Variants in ANTXR1 observed in about 807,000 individuals in gnomAD.
ANTXR1 encodes the protein ANTXR cell adhesion molecule 1.
Under a neutral mutation model 78.1 loss-of-function variants are expected in ANTXR1, and 19 were observed. The ratio of observed to expected loss-of-function variants is 0.24; its 90% CI spans 0.17 to 0.36. The LOEUF (loss-of-function observed/expected upper bound fraction) is 0.36, where lower values mean the gene tolerates loss of function less well. Ranked by LOEUF, ANTXR1 falls within the 10% of genes least tolerant of loss-of-function variation. The probability of loss-of-function intolerance (pLI) is 1.00; values close to 1 mark genes in which losing one functional copy is unlikely to be tolerated. For missense variants in ANTXR1, 518 were observed against 718.6 expected, an observed-to-expected ratio of 0.72 and a Z score of 3.19; for synonymous variants, 273 against 260.5, an observed-to-expected ratio of 1.05 and a Z score of -0.46.
At chr2:69,060,074 G>T (rs1333272842) in intron 3 of ANTXR1, among the ~76,000 whole-genome samples, 2 of 151,988 alleles carry the variant, frequency 1.3e-5, no homozygotes, top group African/African-American at 4.8e-5. Context: ...TTCCTTGATG[G>T]GCTCCTCTTT....
Position 69,124,660 on chromosome 2 carries a change from C to T in ANTXR1, c.951+17C>T, listed in dbSNP as rs1192086105. The T allele has an allele frequency of 6.2e-7, 1 of 1,611,948 alleles. No individual in the cohort carries two copies. The highest frequency in any genetic ancestry group is 2.2e-5 in the East Asian group (1 of 44,876). On this transcript the variant is annotated intron_variant, in intron 12 of 17. Coordinates refer to ENST00000303714, the MANE Select transcript of ANTXR1 (RefSeq NM_032208.3). Reference sequence around the variant, plus strand: ...ACACACTGTGTAAGTCATAACCTTTCCCTTTACTAAAGATCTCATTATCAT... The same window carrying T: ...ACACACTGTGTAAGTCATAACCTTTTCCTTTACTAAAGATCTCATTATCAT...
intron 17 of ANTXR1, among the ~76,000 whole-genome samples, chr2:69,194,785 G>A (rs781548347): frequency 1.4e-4 from 22 of 152,268 alleles, no homozygotes; most frequent in Middle Eastern, 3.4e-3. Context: ...CCCAGGAGGT[G>A]GAGGTTGCAG....
At chr2:69,113,448 G>C (rs1672052573) in intron 10 of ANTXR1, among the ~76,000 whole-genome samples, 1 of 152,216 alleles carries the variant, frequency 6.6e-6, no homozygotes, top group Non-Finnish European at 1.5e-5. Context: ...CATCCATTGA[G>C]AGAAGTTGGG....
chr2:69,026,119 C>T (rs1021159771), intron 1 of ANTXR1, among the ~76,000 whole-genome samples: 2 of 152,202 alleles, frequency 1.3e-5, no homozygotes, highest in Non-Finnish European at 2.9e-5. Flanking sequence ...GCACCTAACA[C>T]TCTGAACTGT....
chr2:69,109,466 G>A (rs151147912), intron 10 of ANTXR1, among the ~76,000 whole-genome samples: 91 of 152,284 alleles, frequency 6.0e-4, no homozygotes, highest in African/African-American at 2.0e-3. Context: ...TTATAAAAAC[G>A]CTGCAGTAAT....
intron 13 of ANTXR1, among the ~76,000 whole-genome samples, chr2:69,165,659 G>A (rs994922967): frequency 2.0e-5 from 3 of 152,246 alleles, no homozygotes; most frequent in African/African-American, 7.2e-5. Flanking sequence ...GGCCTGACTC[G>A]CGGCTTCAAA....
intron 17 of ANTXR1, 68 bp downstream of exon 17, chr2:69,193,483 A>C: frequency 7.7e-7 from 1 of 1,300,854 alleles, no homozygotes; most frequent in Non-Finnish European, 1.1e-6. Context: ...ACACACACAC[A>C]CACACACATA....
At chr2:69,159,006 C>T (rs1452539780) in intron 13 of ANTXR1, among the ~76,000 whole-genome samples, 2 of 152,134 alleles carry the variant, frequency 1.3e-5, no homozygotes, top group East Asian at 3.8e-4. Flanking sequence ...AAACTAAAAA[C>T]CTAAGTCTTC....
intron 17 of ANTXR1, among the ~76,000 whole-genome samples, chr2:69,206,512 GTAGTTCTGA>G (rs1674908518): frequency 6.6e-6 from 1 of 152,214 alleles, no homozygotes; most frequent in Non-Finnish European, 1.5e-5. Flanking sequence ...AACAAGGGAA[GTAGTTCTGA>G]CCAACAAGGT....
intron 12 of ANTXR1, among the ~76,000 whole-genome samples, chr2:69,144,604 A>G (rs1397727747): frequency 6.6e-6 from 1 of 152,226 alleles, no homozygotes; most frequent in Non-Finnish European, 1.5e-5. Flanking sequence ...AGCTCTCAAG[A>G]AGCTCTAATG....
intron 4 of ANTXR1, among the ~76,000 whole-genome samples, chr2:69,071,474 A>G (rs1451119883): frequency 1.3e-5 from 2 of 152,240 alleles, no homozygotes; most frequent in East Asian, 3.8e-4. Context: ...AGGTGATTGG[A>G]CTTTTTCAGC....
rs58660678 is a variant in ANTXR1, at chr2:69,187,585, CT to C, written c.1353+4946del. The stretch of plus-strand genomic sequence containing the variant: ...GGGTCACACTATTTATCATGTATTT[CT>C]TTTTTTTTTTTTTTTTTTTTGAGAC... On this transcript the variant is annotated intron_variant, in intron 16 of 17. Coordinates refer to ENST00000303714, the MANE Select transcript of ANTXR1 (RefSeq NM_032208.3). 4.0e-3 allele frequency among the ~76,000 whole-genome samples: 377 copies of C among 94,880 alleles called. 1 individual carries two copies. The highest frequency in any genetic ancestry group is 0.012 in the African/African-American group (270 of 21,926). 62.2% of individuals were successfully genotyped at this position (94,880 alleles called of 152,430 possible).
intron 1 of ANTXR1, among the ~76,000 whole-genome samples, chr2:69,018,900 A>G (rs1189439856): frequency 6.6e-6 from 1 of 152,218 alleles, no homozygotes; most frequent in Non-Finnish European, 1.5e-5. Flanking sequence ...AAGTTACTTA[A>G]TTGAGGAGCT....
At chr2:69,237,679 C>T (rs1301817302) in intron 17 of ANTXR1, among the ~76,000 whole-genome samples, 2 of 152,180 alleles carry the variant, frequency 1.3e-5, no homozygotes, top group Non-Finnish European at 2.9e-5. Context: ...CGTTGGCCTC[C>T]TAAAGTGCTG....
chr2:69,216,488 C>T (rs1318496284), intron 17 of ANTXR1, among the ~76,000 whole-genome samples: 1 of 152,110 alleles, frequency 6.6e-6, no homozygotes, highest in Non-Finnish European at 1.5e-5. Context: ...TATATACACA[C>T]ATGTACACGC....
At chr2:69,153,337 A>C (rs1673446366) in intron 13 of ANTXR1, among the ~76,000 whole-genome samples, 2 of 152,090 alleles carry the variant, frequency 1.3e-5, no homozygotes, top group Middle Eastern at 3.2e-3. Context: ...ACTGGACTTG[A>C]AAAGCAAGGG....
At chr2:69,197,791 A>G (rs985548761) in intron 17 of ANTXR1, among the ~76,000 whole-genome samples, 3 of 152,234 alleles carry the variant, frequency 2.0e-5, no homozygotes, top group African/African-American at 7.2e-5. Context: ...AAATTTGCTC[A>G]TCTTTCAAGG....
chr2:69,142,325 C>A (rs1673092573), intron 12 of ANTXR1, among the ~76,000 whole-genome samples: 1 of 152,222 alleles, frequency 6.6e-6, no homozygotes, highest in South Asian at 2.1e-4. Flanking sequence ...ACTTGAAGGG[C>A]ATTTAGTGGC....
intron 1 of ANTXR1, among the ~76,000 whole-genome samples, chr2:69,023,332 G>A (rs1050710837): frequency 1.8e-4 from 27 of 152,158 alleles, no homozygotes; most frequent in African/African-American, 5.8e-4. Flanking sequence ...TGGTGATGGT[G>A]ACAGTGATAG....
Sources: gnomAD v4.1 joint callset for allele counts (sites outside exome capture counted in the v4.1 genomes callset) on GRCh38, gnomAD v4.1.1 for gene constraint, MANE v1.5 for transcripts, NCBI Gene and HGNC (gene_info 2026-07-23, HGNC 2026-07-21) for gene names.